REPS1: variants seen among roughly 807,000 people sequenced by gnomAD.
The protein encoded by REPS1 is ralBP1-associated Eps domain-containing protein 1.
Under a neutral mutation model 100.9 loss-of-function variants are expected in REPS1, and 39 were observed. The ratio of observed to expected loss-of-function variants is 0.39; its 90% CI spans 0.30 to 0.50. The LOEUF is 0.50. REPS1 is among the 20% of genes least tolerant of loss of function. The pLI, the probability that REPS1 is intolerant of heterozygous loss-of-function variation, is 0.86. For synonymous variants in REPS1, 324 were observed against 340.3 expected (o/e 0.95, Z 0.53); for missense variants, 821 against 968.5 (o/e 0.85, Z 2.02).
chr6:138,943,647 T>A (rs561596045), intron 6 of REPS1, 71 bp from the exon 7 acceptor site: 482 of 1,185,380 alleles, frequency 4.1e-4, no homozygotes, highest in Non-Finnish European at 5.4e-4. Flanking sequence ...TGTAAGAGTC[T>A]TAGACTTTTT....
At chr6:138,908,461 A>AT (rs1221179827) in intron 18 of REPS1, among the ~76,000 whole-genome samples, 1 of 151,812 alleles carries the variant, frequency 6.6e-6, no homozygotes, top group African/African-American at 2.4e-5. Context: ...CACCCGGCTA[A>AT]TTTTTTTGTA....
chr6:138,920,455 T>C, intron 11 of REPS1, 139 bp from the exon 12 acceptor site: 1 of 472,578 alleles, frequency 2.1e-6, no homozygotes, highest in Non-Finnish European at 3.7e-6. Context: ...AAAATAATAT[T>C]TTTAATAAAA....
rs572811928 is a variant in REPS1, at chr6:138,945,639, A to G, written c.336T>C (p.His112=). 67 of 1,613,404 alleles carry G rather than the reference A, an allele frequency of 4.2e-5. No homozygotes were observed. In the South Asian group the frequency reaches 6.9e-4, roughly 17 times the overall value. ...CAGAATCTGAAGAATATGAGGCTGC[A>G]TGGCGAGATTCCTGTTCATTCTTTG... The part of the protein sequence containing the change: ...VASKNEQESR[H]AASYSSDSEN... Residue 112 remains histidine, a synonymous_variant, in exon 3 of 20, where the codon CAT becomes CAC. Transcript: ENST00000450536.
At chr6:138,914,897 C>A (rs1780249292) in intron 14 of REPS1, 136 bp from the exon 15 acceptor site, 1 of 736,376 alleles carries the variant, frequency 1.4e-6, no homozygotes, top group South Asian at 1.7e-5. Flanking sequence ...CAAGTACTAA[C>A]TTGTTACATG....
At chr6:138,920,743 C>G (rs1301619812) in intron 11 of REPS1, among the ~76,000 whole-genome samples, 1 of 152,118 alleles carries the variant, frequency 6.6e-6, no homozygotes, top group Non-Finnish European at 1.5e-5. Context: ...TAACATATAT[C>G]TCTTCAGTTA....
chr6:138,982,385 T>C (rs1340088224), intron 1 of REPS1, among the ~76,000 whole-genome samples: 3 of 152,234 alleles, frequency 2.0e-5, no homozygotes, highest in African/African-American at 7.2e-5. Flanking sequence ...GTACATTGCT[T>C]ACAAACCTCA....
At chr6:138,937,115 C>CAAG (rs200877559) in intron 8 of REPS1, among the ~76,000 whole-genome samples, 13,353 of 152,022 alleles carry the variant, frequency 0.088, 1,225 homozygotes, top group African/African-American at 0.23. Flanking sequence ...CAGGGAAACT[C>CAAG]CCCTTATAAT....
At chr6:138,987,504 C>G in intron 1 of REPS1, 26 bp downstream of exon 1, 14 of 1,541,062 alleles carry the variant, frequency 9.1e-6, no homozygotes, top group Non-Finnish European at 1.2e-5. Context: ...CCTAAGCCGC[C>G]CGCCGGCCCC....
chr6:138,973,144 A>T (rs1451533860), intron 1 of REPS1, among the ~76,000 whole-genome samples: 1 of 152,212 alleles, frequency 6.6e-6, no homozygotes, highest in Non-Finnish European at 1.5e-5. Flanking sequence ...AACATACAGA[A>T]TAGAGTTGGG....
In REPS1 at chr6:138,921,038, G is replaced by T; in HGVS notation, c.1425C>A (p.Ser475Arg). The change falls in exon 11 of 20, where the codon AGC becomes AGA. Residue 475 changes from serine to arginine, a missense_variant and splice_region_variant. By Grantham distance (110) the Ser-to-Arg change is moderately radical. This residue lies in a region of REPS1 where 757 missense variants were observed against 866.4 expected (regional missense o/e 0.87). Coordinates refer to ENST00000450536, the MANE Select transcript of REPS1 (RefSeq NM_001286611.2). ...ACAAACCAGCAACAGCTTCCTTACCGCTGCCAGTTCTTTTAAGTTCCATTT... is the reference window on the plus strand; with the variant it reads ...ACAAACCAGCAACAGCTTCCTTACCTCTGCCAGTTCTTTTAAGTTCCATTT... ...MQEMELKRTGSDHTNPTSPLL... is the reference protein window; with the variant it reads ...MQEMELKRTGRDHTNPTSPLL... The T allele has an allele frequency of 6.2e-7, 1 of 1,607,696 alleles. No individual in the cohort carries two copies. The highest frequency in any genetic ancestry group is 8.5e-7 in the Non-Finnish European group (1 of 1,174,916).
At chr6:138,931,610 T>C (rs1278031825) in intron 8 of REPS1, among the ~76,000 whole-genome samples, 1 of 152,218 alleles carries the variant, frequency 6.6e-6, no homozygotes, top group Non-Finnish European at 1.5e-5. Context: ...TTAAGTCCTA[T>C]ATCTTCTCAA....
intron 17 of REPS1, among the ~76,000 whole-genome samples, chr6:138,909,892 A>G (rs1779896929): frequency 6.6e-6 from 1 of 152,230 alleles, no homozygotes; most frequent in Admixed American, 6.5e-5. Context: ...AGTAGAATTT[A>G]AGCACTTCAG....
intron 1 of REPS1, among the ~76,000 whole-genome samples, chr6:138,974,215 G>C (rs1371222863): frequency 1.3e-5 from 2 of 152,170 alleles, no homozygotes; most frequent in Non-Finnish European, 2.9e-5. Context: ...GTACAGCAAT[G>C]CCACAGGATA....
intron 10 of REPS1, among the ~76,000 whole-genome samples, chr6:138,922,102 G>C (rs1212759466): frequency 6.6e-6 from 1 of 152,120 alleles, no homozygotes; most frequent in Non-Finnish European, 1.5e-5. Context: ...TGTGAGCCTT[G>C]AAGTTAAAAT....
chr6:138,941,191 C>T (rs1015006253), intron 8 of REPS1, 144 bp downstream of exon 8: 5 of 868,154 alleles, frequency 5.8e-6, no homozygotes, highest in Middle Eastern at 2.4e-4. Flanking sequence ...CCCATACATC[C>T]TATTCTGATG....
At chr6:138,922,024 T>C (rs1239585751) in intron 10 of REPS1, among the ~76,000 whole-genome samples, 1 of 142,478 alleles carries the variant, frequency 7.0e-6, no homozygotes, top group East Asian at 1.9e-4. Flanking sequence ...ATTTAAAAAA[T>C]GCTCTTATAA....
intron 1 of REPS1, among the ~76,000 whole-genome samples, chr6:138,974,655 GA>G (rs1328341232): frequency 1.3e-5 from 2 of 152,136 alleles, no homozygotes; most frequent in Admixed American, 1.3e-4. Context: ...ACAGTTTCAA[GA>G]AAGTTTCAGA....
At chr6:138,944,824 T>C (rs1454837704) in intron 4 of REPS1, among the ~76,000 whole-genome samples, 1 of 152,228 alleles carries the variant, frequency 6.6e-6, no homozygotes, top group East Asian at 1.9e-4. Flanking sequence ...AATATATACA[T>C]AATATTCTGG....
intron 2 of REPS1, 72 bp downstream of exon 2, chr6:138,947,718 A>C: frequency 7.8e-7 from 1 of 1,286,574 alleles, no homozygotes; most frequent in Non-Finnish European, 1.0e-6. Flanking sequence ...AAGACACAAG[A>C]GTTCTATTGA....
Sources: gnomAD v4.1 joint callset for allele counts (sites outside exome capture counted in the v4.1 genomes callset) on GRCh38, gnomAD v4.1.1 for gene constraint, gnomAD v4.1.1 regional missense constraint, MANE v1.5 for transcripts, NCBI Gene and HGNC (gene_info 2026-07-23, HGNC 2026-07-21) for gene names.